SERPINB10: variants seen among roughly 807,000 people sequenced by gnomAD.
SERPINB10 encodes the protein serpin family B member 10.
In SERPINB10, 35 loss-of-function variants were observed where a neutral mutation model predicts 39.1. The ratio of observed to expected loss-of-function variants is 0.90; its 90% CI spans 0.68 to 1.19. The LOEUF (loss-of-function observed/expected upper bound fraction) is 1.19. SERPINB10 is among the 50% of genes most tolerant of loss of function. The pLI is 0.00. For synonymous variants in SERPINB10, 190 were observed against 158.1 expected, an observed-to-expected ratio of 1.20 and a Z score of -1.52; for missense variants, 546 against 460.5, an observed-to-expected ratio of 1.19 and a Z score of -1.70.
rs553798841 is a variant in SERPINB10, at chr18:63,913,600, G to A, written c.-9-1902G>A. Among the ~76,000 whole-genome samples, 4 of 152,078 alleles carry A rather than the reference G, an allele frequency of 2.6e-5. 1 individual carries two copies. Among genetic ancestry groups the A allele is most frequent in the Admixed American group, 2.6e-4 (4 of 15,270 alleles). ...GGTTTTGAGAAATCTTCTTGGCATT[G>A]ATTTCTATTTTTATTGCACTGTGGT... On this transcript the variant is annotated intron_variant, in intron 1 of 7. Coordinates refer to ENST00000238508, the MANE Select transcript of SERPINB10 (RefSeq NM_005024.3).
At position 63,918,017 on chromosome 18, in the gene SERPINB10, T is replaced by C. The variant is rs1413997744; in HGVS notation, c.287T>C (p.Ile96Thr). The C allele has an allele frequency of 3.1e-6, 5 of 1,612,000 alleles. No homozygotes were observed. The highest frequency in any genetic ancestry group is 3.4e-6 in the Non-Finnish European group (4 of 1,178,632). ...EEIHSDFQTL[I>T]SEILKPNDDY... is the part of the protein sequence containing the mutation. ...ATACACTCTGATTTCCAAACACTTA[T>C]CTCAGAAATCCTCAAGCCCAACGAT... The change falls in exon 4 of 8, where the codon ATC (isoleucine) becomes ACC (threonine). Residue 96 changes from isoleucine to threonine, a missense_variant. Physicochemically the swap from Ile to Thr is moderately conservative, Grantham distance 89. Transcript: ENST00000238508.
At chr18:63,920,034 C>T in intron 5 of SERPINB10, 129 bp downstream of exon 5, 1 of 498,576 alleles carries the variant, frequency 2.0e-6, no homozygotes, top group South Asian at 3.2e-5. Context: ...ATATTCAGAA[C>T]ATTTATTTCT....
chr18:63,908,284 T>C (rs1335613497), intron 1 of SERPINB10, among the ~76,000 whole-genome samples: 2 of 152,010 alleles, frequency 1.3e-5, no homozygotes, highest in African/African-American at 4.8e-5. Flanking sequence ...GTTAGAGAAA[T>C]TGTTTTTCTA....
chr18:63,923,970 G>A (rs912786570), intron 5 of SERPINB10, among the ~76,000 whole-genome samples: 1 of 151,840 alleles, frequency 6.6e-6, no homozygotes, highest in African/African-American at 2.4e-5. Context: ...CAAGACTTAT[G>A]GTTATTGGTT....
chr18:63,927,816 G>A (rs2050191433), intron 5 of SERPINB10, among the ~76,000 whole-genome samples: 1 of 152,004 alleles, frequency 6.6e-6, no homozygotes, highest in African/African-American at 2.4e-5. Flanking sequence ...GGGTTTATTT[G>A]TTTATATTCA....
At chr18:63,924,314 T>G (rs1031560701) in intron 5 of SERPINB10, among the ~76,000 whole-genome samples, 1 of 151,992 alleles carries the variant, frequency 6.6e-6, no homozygotes, top group Non-Finnish European at 1.5e-5. Context: ...CCTAGTACCT[T>G]GGGAACACTG....
At position 63,917,958 on chromosome 18, in the gene SERPINB10, T is replaced by C. The variant is rs1196220926; in HGVS notation, c.235-7T>C. 1 of 1,610,064 alleles carries C rather than the reference T, an allele frequency of 6.2e-7. No individual in the cohort carries two copies. Among genetic ancestry groups the C allele is most frequent in the Non-Finnish European group, 8.5e-7 (1 of 1,177,224 alleles). ...ATTTTATTTGACTAGTTCCTTCTCT[T>C]TTAAAGGAATTCAACTTGAGCAACT... On this transcript the variant is annotated splice_polypyrimidine_tract_variant and splice_region_variant and intron_variant, in intron 3 of 7. Coordinates refer to ENST00000238508, the MANE Select transcript of SERPINB10 (RefSeq NM_005024.3).
chr18:63,911,340 T>C (rs2050062894), intron 1 of SERPINB10, among the ~76,000 whole-genome samples: 1 of 151,644 alleles, frequency 6.6e-6, no homozygotes, highest in South Asian at 2.1e-4. Flanking sequence ...TAGTCATGAA[T>C]ACTTCCCCCA....
At chr18:63,929,995 A>T in intron 5 of SERPINB10, 50 bp from the exon 6 acceptor site, 1 of 1,581,378 alleles carries the variant, frequency 6.3e-7, no homozygotes, top group South Asian at 1.2e-5. Context: ...CTTTAGTTAA[A>T]ATATACATAT....
At chr18:63,933,931 T>C (rs1401438052) in intron 7 of SERPINB10, among the ~76,000 whole-genome samples, 4 of 152,192 alleles carry the variant, frequency 2.6e-5, no homozygotes, top group Admixed American at 2.6e-4. Context: ...CCTACTAGTA[T>C]GTAGAAAATA....
At position 63,935,321 on chromosome 18, in the gene SERPINB10, C is replaced by A; in HGVS notation, c.*79C>A. 7.0e-7 allele frequency: 1 copy of A among 1,429,296 alleles called. No homozygotes were observed. The highest frequency in any genetic ancestry group is 9.3e-7 in the Non-Finnish European group (1 of 1,072,982). 88.5% of individuals were successfully genotyped at this position (1,429,296 alleles called of 1,614,324 possible). The stretch of plus-strand genomic sequence containing the variant: ...ATGAGATGGAAAAGCACAATTTTCA[C>A]AAAAATGAGTTTGTAGTCTAAACCT... On this transcript the variant is annotated 3_prime_UTR_variant, in exon 8 of 8. Coordinates refer to ENST00000238508, the MANE Select transcript of SERPINB10 (RefSeq NM_005024.3).
intron 7 of SERPINB10, 86 bp downstream of exon 7, chr18:63,933,289 T>C: frequency 1.4e-6 from 2 of 1,431,090 alleles, no homozygotes; most frequent in Non-Finnish European, 2.0e-6. Context: ...CTCCCAATTG[T>C]CCTCAGGAAG....
At chr18:63,909,069 C>T (rs1802448541) in intron 1 of SERPINB10, among the ~76,000 whole-genome samples, 1 of 151,986 alleles carries the variant, frequency 6.6e-6, no homozygotes, top group African/African-American at 2.4e-5. Context: ...TTCTAAGGGT[C>T]TTTCCAACAC....
At chr18:63,922,093 C>A (rs965364131) in intron 5 of SERPINB10, among the ~76,000 whole-genome samples, 3 of 151,990 alleles carry the variant, frequency 2.0e-5, no homozygotes, top group African/African-American at 7.2e-5. Flanking sequence ...CTCAAGGACT[C>A]TATGTGCGAT....
At chr18:63,919,748 A>T (rs753405896) in intron 4 of SERPINB10, 40 bp from the exon 5 acceptor site, 13 of 1,389,518 alleles carry the variant, frequency 9.4e-6, no homozygotes, top group Admixed American at 4.0e-5. Context: ...TCAATTTTGA[A>T]CAAACTCTAC....
intron 5 of SERPINB10, among the ~76,000 whole-genome samples, chr18:63,927,154 C>A (rs1162498024): frequency 6.6e-6 from 1 of 151,790 alleles, no homozygotes; most frequent in Non-Finnish European, 1.5e-5. Flanking sequence ...GTAGTCATAG[C>A]AGGCCATAAA....
intron 1 of SERPINB10, among the ~76,000 whole-genome samples, chr18:63,910,212 A>C (rs1163644048): frequency 6.6e-6 from 1 of 152,034 alleles, no homozygotes; most frequent in East Asian, 1.9e-4. Context: ...TCAGAAGGCC[A>C]GGTGACGTTC....
intron 7 of SERPINB10, among the ~76,000 whole-genome samples, chr18:63,934,246 C>T (rs1483300507): frequency 6.6e-6 from 1 of 152,024 alleles, no homozygotes; most frequent in South Asian, 2.1e-4. Context: ...AGTATGTACA[C>T]ACATATTTAT....
At chr18:63,909,154 C>G (rs1351620035) in intron 1 of SERPINB10, among the ~76,000 whole-genome samples, 1 of 151,964 alleles carries the variant, frequency 6.6e-6, no homozygotes, top group Non-Finnish European at 1.5e-5. Flanking sequence ...CCTTTTCTTG[C>G]TTTCTTAATT....
Sources: allele counts gnomAD v4.1 joint callset (sites outside exome capture counted in the v4.1 genomes callset), GRCh38; gene constraint gnomAD v4.1.1; transcripts MANE v1.5; gene names NCBI Gene and HGNC (gene_info 2026-07-23, HGNC 2026-07-21).